Variants in MFAP3 observed in about 807,000 individuals in gnomAD.
MFAP3 encodes the protein microfibril-associated glycoprotein 3.
MFAP3 carries 8 observed loss-of-function variants against 20.5 expected under a neutral mutation model. The ratio of observed to expected loss-of-function variants is 0.39; its 90% CI spans 0.23 to 0.70. The LOEUF is 0.70. Ranked by LOEUF, MFAP3 falls within the 30% of genes least tolerant of loss-of-function variation. The pLI is 0.44. For missense variants in MFAP3, 398 were observed against 444.6 expected (o/e 0.90, Z 0.94); for synonymous variants, 140 against 154.0 (o/e 0.91, Z 0.67).
At chr5:154,050,117 A>C in intron 2 of MFAP3, 100 bp downstream of exon 2, 1 of 1,325,164 alleles carries the variant, frequency 7.5e-7, no homozygotes, top group South Asian at 1.5e-5. Context: ...TAAGGTGCCA[A>C]GGTGAATAGT....
chr5:154,048,157 A>G (rs1187007981), intron 1 of MFAP3, among the ~76,000 whole-genome samples: 1 of 152,190 alleles, frequency 6.6e-6, no homozygotes, highest in African/African-American at 2.4e-5. Flanking sequence ...CAATTAGATT[A>G]TATTACTTCC....
chr5:154,046,145 C>A (rs528639914), intron 1 of MFAP3, among the ~76,000 whole-genome samples: 49 of 152,322 alleles, frequency 3.2e-4, no homozygotes, highest in African/African-American at 1.1e-3. Context: ...ACTTGGTGAT[C>A]TTTTATTCCT....
rs1391343851 is a variant in MFAP3, at chr5:154,053,150, C to T, written c.526C>T (p.His176Tyr). Reference sequence around the variant, plus strand: ...CACACGGCTGTGCATGATGAGCAGCCATCTTCGCAAGACTGAGAAGGCTAT... The same window carrying T: ...CACACGGCTGTGCATGATGAGCAGCTATCTTCGCAAGACTGAGAAGGCTAT... Reference protein sequence around the residue: ...NVTRLCMMSSHLRKTEKAINE... With the variant: ...NVTRLCMMSSYLRKTEKAINE... The change falls in exon 3 of 3, where the codon CAT becomes TAT. Residue 176 changes from histidine to tyrosine, a missense_variant. His to Tyr is a moderately conservative substitution (Grantham distance 83). Coordinates refer to ENST00000522782, the MANE Select transcript of MFAP3 (RefSeq NM_005927.5). 5 of 1,613,848 alleles carry T rather than the reference C, an allele frequency of 3.1e-6. No homozygotes were observed. The highest frequency in any genetic ancestry group is 8.5e-7 in the Non-Finnish European group (1 of 1,179,892).
At chr5:154,052,529 CAT>C (rs1245973121) in intron 2 of MFAP3, among the ~76,000 whole-genome samples, 4 of 152,142 alleles carry the variant, frequency 2.6e-5, no homozygotes, top group African/African-American at 9.7e-5. Context: ...GACATACCCT[CAT>C]AGTATATGAA....
chr5:154,039,550 C>T (rs1308768179), intron 1 of MFAP3, among the ~76,000 whole-genome samples: 1 of 152,038 alleles, frequency 6.6e-6, no homozygotes, highest in Non-Finnish European at 1.5e-5. Flanking sequence ...TCTTGTAAGG[C>T]TTATGAGCAA....
In MFAP3 at chr5:154,054,022, C is replaced by A. The variant is rs1258281702; in HGVS notation, c.*309C>A. Reference sequence around the variant, plus strand: ...CATGGTTTCTCTTCTGGTCACAGTTCTTCCATTGGTTGGATCTGATACTTA... The same window carrying A: ...CATGGTTTCTCTTCTGGTCACAGTTATTCCATTGGTTGGATCTGATACTTA... On this transcript the variant is annotated 3_prime_UTR_variant, in exon 3 of 3. Coordinates refer to ENST00000522782, the MANE Select transcript of MFAP3 (RefSeq NM_005927.5). 3.6e-6 allele frequency: 1 copy of A among 277,526 alleles called. No individual in the cohort carries two copies. The highest frequency in any genetic ancestry group is 7.3e-6 in the Non-Finnish European group (1 of 137,548). The allele number at this position is 277,526 out of a possible 1,614,324, so 17.2% of individuals were successfully genotyped here. A position where few individuals can be genotyped will look rare whatever the true frequency, so the allele number is the denominator to read the frequency against.
chr5:154,050,610 C>CTTTTTTT (rs11167656), intron 2 of MFAP3, among the ~76,000 whole-genome samples: 37 of 93,270 alleles, frequency 4.0e-4, no homozygotes, highest in Non-Finnish European at 5.0e-4. Flanking sequence ...CCTTCCAGCT[C>CTTTTTTT]TTTTTTTTTT....
chr5:154,039,811 C>A (rs1187505905), intron 1 of MFAP3, among the ~76,000 whole-genome samples: 1 of 152,138 alleles, frequency 6.6e-6, no homozygotes. Context: ...AGGGACTTAG[C>A]CTTTAAGAAC....
chr5:154,053,481 T>G lies in MFAP3; in HGVS notation c.857T>G (p.Ile286Ser), dbSNP rs774368481. The part of the protein sequence containing the change: ...ALNAQGGIYV[I>S]NPEMGRSNSP... ...AATGCTCAAGGTGGCATCTATGTCATTAACCCAGAGATGGGACGGAGTAAT... is the reference window on the plus strand; with the variant it reads ...AATGCTCAAGGTGGCATCTATGTCAGTAACCCAGAGATGGGACGGAGTAAT... Residue 286 changes from isoleucine to serine, a missense_variant, in exon 3 of 3, where the codon ATT (isoleucine) becomes AGT (serine). By Grantham distance (142) the Ile-to-Ser change is moderately radical. Coordinates refer to ENST00000522782, the MANE Select transcript of MFAP3 (RefSeq NM_005927.5). 7.4e-6 allele frequency: 12 copies of G among 1,613,890 alleles called. No homozygotes were observed. Among genetic ancestry groups the G allele is most frequent in the Non-Finnish European group, 1.0e-5 (12 of 1,179,954 alleles).
intron 1 of MFAP3, among the ~76,000 whole-genome samples, chr5:154,040,006 C>G (rs1772882921): frequency 6.6e-6 from 1 of 152,108 alleles, no homozygotes; most frequent in Admixed American, 6.5e-5. Flanking sequence ...CAAAAAAACC[C>G]CTGCTTAAAT....
chr5:154,042,429 A>G (rs1772976011), intron 1 of MFAP3, among the ~76,000 whole-genome samples: 1 of 152,174 alleles, frequency 6.6e-6, no homozygotes, highest in African/African-American at 2.4e-5. Flanking sequence ...AGACTGACCA[A>G]ATGCTAGTTA....
intron 1 of MFAP3, among the ~76,000 whole-genome samples, chr5:154,040,518 AT>A (rs1221494528): frequency 6.6e-6 from 1 of 152,196 alleles, no homozygotes; most frequent in African/African-American, 2.4e-5. Flanking sequence ...ATGTCCTAAT[AT>A]TATGTAAATT....
In MFAP3 at chr5:154,041,249, G is replaced by A. The variant is rs189108634; in HGVS notation, c.-167+2238G>A. 9.9e-5 allele frequency among the ~76,000 whole-genome samples: 15 copies of A among 152,274 alleles called. 1 individual carries two copies. The highest frequency in any genetic ancestry group is 5.2e-4 in the Admixed American group (8 of 15,300). On this transcript the variant is annotated intron_variant, in intron 1 of 2. Coordinates refer to ENST00000522782, the MANE Select transcript of MFAP3 (RefSeq NM_005927.5). Reference sequence around the variant, plus strand: ...CAGTTTCCCCCAGAAAGATATTGACGGGAAGGGGCAGAAAGATTTTTAAGC... The same window carrying A: ...CAGTTTCCCCCAGAAAGATATTGACAGGAAGGGGCAGAAAGATTTTTAAGC...
intron 1 of MFAP3, among the ~76,000 whole-genome samples, chr5:154,048,785 A>C (rs1021025590): frequency 6.6e-6 from 1 of 152,222 alleles, no homozygotes; most frequent in African/African-American, 2.4e-5. Context: ...TTAAGATGTC[A>C]GTTCCTCCCT....
In MFAP3 at chr5:154,055,969, T is replaced by TA. The variant is rs1260616923; in HGVS notation, c.*2257dup. 6.6e-6 allele frequency among the ~76,000 whole-genome samples: 1 copy of TA among 152,170 alleles called. No individual in the cohort carries two copies. The highest frequency in any genetic ancestry group is 2.4e-5 in the African/African-American group (1 of 41,434). Reference sequence around the variant, plus strand: ...CTCTAAACATCCCTCAGATTTCAGATAGTACTTTCAACCCTGTCCTAACAT... The same window carrying TA: ...CTCTAAACATCCCTCAGATTTCAGATAAGTACTTTCAACCCTGTCCTAACAT... On this transcript the variant is annotated 3_prime_UTR_variant, in exon 3 of 3. Transcript: ENST00000522782.
At chr5:154,043,260 G>T (rs1327225847) in intron 1 of MFAP3, among the ~76,000 whole-genome samples, 2 of 152,092 alleles carry the variant, frequency 1.3e-5, no homozygotes, top group Non-Finnish European at 2.9e-5. Flanking sequence ...CTGAAGAAAG[G>T]TAATATAGGC....
rs191583556 is a variant in MFAP3 at position 154,053,597 on chromosome 5, A to T, written c.973A>T (p.Lys325Ter). The change falls in exon 3 of 3, where the codon AAA becomes TAA. Residue 325 changes from lysine (K) to a stop codon, truncating the protein, a stop_gained. Coordinates refer to ENST00000522782, the MANE Select transcript of MFAP3 (RefSeq NM_005927.5). LOFTEE classifies it high-confidence loss of function. Reference sequence around the variant, plus strand: ...TTCTGTCCACCTTCAGTCAGAAACCAAAAGTATTGATACAGAGTCTCAAGG... The same window carrying T: ...TTCTGTCCACCTTCAGTCAGAAACCTAAAGTATTGATACAGAGTCTCAAGG... Reference protein sequence around the residue: ...QVSVHLQSETKSIDTESQGSS... With the variant: ...QVSVHLQSET The T allele has an allele frequency of 6.2e-7, 1 of 1,614,046 alleles. No individual in the cohort carries two copies. The highest frequency in any genetic ancestry group is 1.3e-5 in the African/African-American group (1 of 75,048).
In MFAP3 at chr5:154,053,503, T is replaced by C. The variant is rs1773252142; in HGVS notation, c.879T>C (p.Ser293=). 1 of 1,613,610 alleles carries C rather than the reference T, an allele frequency of 6.2e-7. No homozygotes were observed. The highest frequency in any genetic ancestry group is 1.3e-5 in the African/African-American group (1 of 74,882). The change falls in exon 3 of 3, where the codon AGT becomes AGC. Residue 293 remains serine (S), a synonymous_variant. Transcript: ENST00000522782. ...IYVINPEMGR[S]NSPGGDSDDG... The stretch of plus-strand genomic sequence containing the variant: ...TCATTAACCCAGAGATGGGACGGAG[T>C]AATTCACCAGGAGGAGATTCAGATG...
intron 2 of MFAP3, among the ~76,000 whole-genome samples, chr5:154,050,610 CTTTTTTTTTTT>C (rs11167656): frequency 2.1e-5 from 2 of 93,280 alleles, no homozygotes; most frequent in South Asian, 4.1e-4. Flanking sequence ...CCTTCCAGCT[CTTTTTTTTTTT>C]TTTTTTTTTT....
Sources: gnomAD v4.1 joint callset for allele counts (sites outside exome capture counted in the v4.1 genomes callset) on GRCh38, gnomAD v4.1.1 for gene constraint, MANE v1.5 for transcripts, NCBI Gene and HGNC (gene_info 2026-07-23, HGNC 2026-07-21) for gene names.